The following GPHN variants were observed in gnomAD, a reference collection of about 807,000 sequenced individuals.
GPHN encodes the protein gephyrin.
Under a neutral mutation model 95.5 loss-of-function variants are expected in GPHN, and 17 were observed. The observed-to-expected ratio is 0.18, with a 90% CI of 0.12 to 0.27. The LOEUF (loss-of-function observed/expected upper bound fraction) is 0.27. Ranked by LOEUF, GPHN falls within the 10% of genes least tolerant of loss-of-function variation. The pLI is 1.00. For synonymous variants in GPHN, 320 were observed against 322.5 expected, an observed-to-expected ratio of 0.99 and a Z score of 0.08; for missense variants, 660 against 978.1, an observed-to-expected ratio of 0.67 and a Z score of 4.34.
the GPHN span, among the ~76,000 whole-genome samples, chr14:67,422,748 T>C: frequency 2.0e-5 from 3 of 152,048 alleles, no homozygotes; most frequent in Non-Finnish European, 4.4e-5. Context: ...ACAGATGTTG[T>C]TAGTTACTTA....
intron 2 of GPHN, among the ~76,000 whole-genome samples, chr14:66,729,557 ATCTT>A (rs1465859290): frequency 6.6e-6 from 1 of 152,184 alleles, no homozygotes; most frequent in Non-Finnish European, 1.5e-5. Flanking sequence ...GAAATTTGAG[ATCTT>A]TCTTGGATGA....
the GPHN span, among the ~76,000 whole-genome samples, chr14:67,483,815 G>A: frequency 6.6e-6 from 1 of 152,156 alleles, no homozygotes; most frequent in African/African-American, 2.4e-5. Flanking sequence ...GGGGCCAGCT[G>A]CCCAGAGGAG....
chr14:66,656,609 T>A (rs1595429332), intron 1 of GPHN, among the ~76,000 whole-genome samples: 1 of 152,194 alleles, frequency 6.6e-6, no homozygotes, highest in Admixed American at 6.5e-5. Flanking sequence ...TCATTTTGTC[T>A]CTGTGTCACA....
intron 5 of GPHN, among the ~76,000 whole-genome samples, chr14:66,914,885 A>G (rs1363148331): frequency 1.3e-5 from 2 of 152,120 alleles, no homozygotes; most frequent in Non-Finnish European, 2.9e-5. Context: ...ACCCAGTGCC[A>G]TTTTGTCACT....
At chr14:67,290,210 T>C in the GPHN span, among the ~76,000 whole-genome samples, 1 of 152,124 alleles carries the variant, frequency 6.6e-6, no homozygotes, top group African/African-American at 2.4e-5. Flanking sequence ...AAAGAGGGAA[T>C]GGGAGGTAAC....
the GPHN span, chr14:67,301,370 C>G: frequency 6.3e-7 from 1 of 1,575,352 alleles, no homozygotes; most frequent in Non-Finnish European, 8.7e-7. Context: ...GAAGAATAAT[C>G]TTTATTTTTG....
chr14:67,397,637 C>G, the GPHN span: 1 of 1,591,314 alleles, frequency 6.3e-7, no homozygotes. Context: ...CAGAGAGGAG[C>G]TGGACAGCAG....
intron 9 of GPHN, among the ~76,000 whole-genome samples, chr14:67,009,404 T>C (rs889738764): frequency 7.2e-5 from 11 of 152,298 alleles, no homozygotes; most frequent in Non-Finnish European, 1.2e-4. Flanking sequence ...ACAATATTTC[T>C]AACTGTAAAA....
intron 21 of GPHN, 95 bp downstream of exon 21, chr14:67,169,131 C>T: frequency 1.2e-6 from 1 of 805,106 alleles, no homozygotes; most frequent in East Asian, 2.4e-5. Context: ...CTAGAGTTTT[C>T]TATTAGTTTT....
At chr14:66,872,890 C>CA (rs371975715) in intron 4 of GPHN, among the ~76,000 whole-genome samples, 1,452 of 88,938 alleles carry the variant, frequency 0.016, 15 homozygotes, top group African/African-American at 0.043. Flanking sequence ...AACTTTGTCC[C>CA]AAAAAAAAAA....
At chr14:66,548,003 G>A (rs1037299858) in intron 1 of GPHN, among the ~76,000 whole-genome samples, 25 of 151,528 alleles carry the variant, frequency 1.6e-4, no homozygotes, top group African/African-American at 5.6e-4. Flanking sequence ...CAAATTGAAG[G>A]TTTGTGGCAA....
At chr14:66,995,189 A>G (rs1166531255) in intron 9 of GPHN, among the ~76,000 whole-genome samples, 1 of 152,248 alleles carries the variant, frequency 6.6e-6, no homozygotes, top group Non-Finnish European at 1.5e-5. Context: ...AAAAGAGTAC[A>G]CAGAATTGAA....
the GPHN span, among the ~76,000 whole-genome samples, chr14:67,326,251 T>C: frequency 8.2e-6 from 1 of 122,630 alleles, no homozygotes; most frequent in Non-Finnish European, 1.7e-5. Flanking sequence ...TTTTTTTTTT[T>C]TTTTTTTTGA....
the GPHN span, among the ~76,000 whole-genome samples, chr14:67,225,591 G>C: frequency 6.6e-6 from 1 of 152,224 alleles, no homozygotes; most frequent in East Asian, 1.9e-4. Context: ...CTGCTTTTTA[G>C]ATCAGCCAAT....
chr14:66,997,753 G>A (rs2071918705), intron 9 of GPHN, among the ~76,000 whole-genome samples: 1 of 152,142 alleles, frequency 6.6e-6, no homozygotes, highest in African/African-American at 2.4e-5. Context: ...TTATAACTGT[G>A]AGATTTTTTT....
intron 8 of GPHN, among the ~76,000 whole-genome samples, chr14:66,942,777 C>T (rs1453084199): frequency 1.3e-5 from 2 of 152,080 alleles, no homozygotes; most frequent in African/African-American, 4.8e-5. Context: ...TTTCTAGATG[C>T]CCCAGGGGAC....
intron 3 of GPHN, among the ~76,000 whole-genome samples, chr14:66,802,120 C>T (rs1389745733): frequency 6.6e-6 from 1 of 152,110 alleles, no homozygotes; most frequent in East Asian, 1.9e-4. Flanking sequence ...GAAGTAAAGT[C>T]CTTAGATGTC....
At chr14:67,099,220 C>T (rs1356406814) in intron 12 of GPHN, among the ~76,000 whole-genome samples, 3 of 152,134 alleles carry the variant, frequency 2.0e-5, no homozygotes, top group Admixed American at 6.5e-5. Context: ...AGCAATTCTC[C>T]TGCCTCAGCC....
intron 10 of GPHN, among the ~76,000 whole-genome samples, chr14:67,045,735 C>A (rs1208186416): frequency 6.6e-6 from 1 of 151,640 alleles, no homozygotes; most frequent in Non-Finnish European, 1.5e-5. Context: ...GTCTCTCTCT[C>A]TCTGTCCATC....
Sources: allele counts gnomAD v4.1 joint callset (sites outside exome capture counted in the v4.1 genomes callset), GRCh38; gene constraint gnomAD v4.1.1; transcripts MANE v1.5; gene names NCBI Gene and HGNC (gene_info 2026-07-23, HGNC 2026-07-21).